Variants in KDM2B observed in about 807,000 individuals in gnomAD.
KDM2B encodes lysine-specific demethylase 2B.
Under a neutral mutation model 150.0 loss-of-function variants are expected in KDM2B, and 26 were observed. The observed-to-expected ratio is 0.17, with a 90% confidence interval of 0.13 to 0.24. The LOEUF (loss-of-function observed/expected upper bound fraction) is 0.24, where lower values mean the gene tolerates loss of function less well. Among genes scored for constraint, KDM2B ranks in the 10% least tolerant of loss-of-function variants. The pLI, the probability that KDM2B is intolerant of heterozygous loss-of-function variation, is 1.00. For synonymous variants in KDM2B, 734 were observed against 729.5 expected, an observed-to-expected ratio of 1.01 and a Z score of -0.10; for missense variants, 1,265 against 1,816.9, an observed-to-expected ratio of 0.70 and a Z score of 5.52.
At chr12:121,527,972 G>A (rs1339369440) in intron 8 of KDM2B, among the ~76,000 whole-genome samples, 1 of 152,186 alleles carries the variant, frequency 6.6e-6, no homozygotes, top group African/African-American at 2.4e-5. Flanking sequence ...GGTACTTAAA[G>A]TTTCCAACCT....
At chr12:121,486,975 C>T in intron 12 of KDM2B, among the ~76,000 whole-genome samples, 1 of 151,650 alleles carries the variant, frequency 6.6e-6, no homozygotes, top group South Asian at 2.1e-4. Flanking sequence ...CCCCCCGATA[C>T]AAAAAATAAA....
chr12:121,511,757 T>C (rs1375251132), intron 10 of KDM2B, among the ~76,000 whole-genome samples: 1 of 152,230 alleles, frequency 6.6e-6, no homozygotes, highest in African/African-American at 2.4e-5. Context: ...TATATCCTAA[T>C]AGGGCTGCTT....
At chr12:121,415,667 A>G in the KDM2B span, among the ~76,000 whole-genome samples, 1 of 151,988 alleles carries the variant, frequency 6.6e-6, no homozygotes, top group Non-Finnish European at 1.5e-5. Context: ...ATTTCTGTTA[A>G]ATAATAGCTG....
intron 12 of KDM2B, among the ~76,000 whole-genome samples, chr12:121,471,130 G>A (rs1040801161): frequency 1.3e-5 from 2 of 152,172 alleles, no homozygotes; most frequent in Non-Finnish European, 2.9e-5. Flanking sequence ...GCCAGCCCTT[G>A]CCCAACAGAA....
intron 1 of KDM2B, chr12:121,580,251 G>A: frequency 2.4e-6 from 3 of 1,230,180 alleles, no homozygotes; most frequent in Middle Eastern, 3.1e-4. Context: ...TTCAGCAGTT[G>A]TGGGGGGGGG....
rs1593743739 is a variant in KDM2B at position 121,442,043 on chromosome 12, G to A, written c.3284+114C>T. 3 of 862,410 alleles carry A rather than the reference G, an allele frequency of 3.5e-6. No individual in the cohort carries two copies. Among genetic ancestry groups the A allele is most frequent in the Non-Finnish European group, 5.6e-6 (3 of 538,404 alleles). The allele number at this position is 862,410 out of a possible 1,614,324, so 53.4% of individuals were successfully genotyped here. ...GCTGGAACGCTTTGCGGAGCACAAT[G>A]AAGCCATACTGGGGTTTGGAAGGAA... On this transcript the variant is annotated intron_variant, in intron 19 of 22. Coordinates refer to ENST00000377071, the MANE Select transcript of KDM2B (RefSeq NM_032590.5). This position sits in a 1 kb window ranked among gnomAD's most constrained non-coding sequence, Gnocchi z 7.7.
chr12:121,489,731 C>T (rs529476215), intron 12 of KDM2B, among the ~76,000 whole-genome samples: 56 of 152,254 alleles, frequency 3.7e-4, no homozygotes, highest in Middle Eastern at 3.4e-3. Flanking sequence ...TGAGCCACCA[C>T]GCCTGGCCCT....
intron 22 of KDM2B, 129 bp downstream of exon 22, chr12:121,439,728 G>T: frequency 1.4e-6 from 1 of 709,312 alleles, no homozygotes; most frequent in Non-Finnish European, 2.5e-6. Context: ...TGGGCTGTCT[G>T]TCTCAGTAAA....
At chr12:121,415,897 A>G in the KDM2B span, among the ~76,000 whole-genome samples, 1 of 117,510 alleles carries the variant, frequency 8.5e-6, no homozygotes, top group Admixed American at 1.1e-4. Flanking sequence ...TTGGGTGGGT[A>G]GGGAGGTTTT....
chr12:121,420,413 G>T, the KDM2B span: 1 of 1,552,890 alleles, frequency 6.4e-7, no homozygotes. Flanking sequence ...ACATTCGCTA[G>T]ATTAGTACAG....
the KDM2B span, chr12:121,423,241 T>G: frequency 1.7e-6 from 1 of 580,694 alleles, no homozygotes; most frequent in Non-Finnish European, 3.0e-6. The surrounding 1 kb of genome is among the most constrained non-coding windows in gnomAD (Gnocchi z 4.3). Flanking sequence ...TGCAGAGAAG[T>G]TGGGATTATT....
At chr12:121,527,360 G>GT (rs1371418739) in intron 8 of KDM2B, among the ~76,000 whole-genome samples, 138,871 of 138,906 alleles carry the variant, frequency 1, 69,418 homozygotes, top group Middle Eastern at 1. Context: ...AAAAAAAATT[G>GT]TTTAAAAAAA....
chr12:121,571,435 T>A (rs1891079776), intron 4 of KDM2B, among the ~76,000 whole-genome samples: 2 of 142,588 alleles, frequency 1.4e-5, no homozygotes, highest in Non-Finnish European at 3.1e-5. Flanking sequence ...ATTACAGGAA[T>A]GTGCCACCAC....
At chr12:121,489,568 T>C (rs1883139624) in intron 12 of KDM2B, among the ~76,000 whole-genome samples, 1 of 152,070 alleles carries the variant, frequency 6.6e-6, no homozygotes, top group African/African-American at 2.4e-5. Context: ...GCCTCCCAAG[T>C]ATCTGGGACT....
chr12:121,459,276 T>C (rs1390831895), intron 12 of KDM2B, among the ~76,000 whole-genome samples: 1 of 152,110 alleles, frequency 6.6e-6, no homozygotes, highest in African/African-American at 2.4e-5. Flanking sequence ...TTCAGTTGGG[T>C]AAAGAATGGT....
intron 8 of KDM2B, among the ~76,000 whole-genome samples, chr12:121,528,851 C>T (rs1555307350): frequency 6.6e-6 from 1 of 152,158 alleles, no homozygotes; most frequent in African/African-American, 2.4e-5. Context: ...TGAGATCGTG[C>T]CACTGCACTC....
chr12:121,522,202 T>C (rs1345730293), intron 8 of KDM2B, among the ~76,000 whole-genome samples: 2 of 151,896 alleles, frequency 1.3e-5, no homozygotes, highest in South Asian at 2.1e-4. Context: ...TTAATTCTCA[T>C]GAAATCCCGA....
At chr12:121,464,616 C>T (rs1555294439) in intron 12 of KDM2B, among the ~76,000 whole-genome samples, 3 of 152,226 alleles carry the variant, frequency 2.0e-5, no homozygotes, top group African/African-American at 7.2e-5. Flanking sequence ...GTGAGGGCTA[C>T]ACCAACTACA....
At chr12:121,525,601 G>A (rs1336947826) in intron 8 of KDM2B, among the ~76,000 whole-genome samples, 2 of 152,098 alleles carry the variant, frequency 1.3e-5, no homozygotes. Context: ...TAGAAAAATA[G>A]GAAGGTCTGG....
Sources: gnomAD v4.1 joint callset for allele counts (sites outside exome capture counted in the v4.1 genomes callset) on GRCh38, gnomAD v4.1.1 for gene constraint, Gnocchi (gnomAD v3.1) non-coding constraint, MANE v1.5 for transcripts, NCBI Gene and HGNC (gene_info 2026-07-23, HGNC 2026-07-21) for gene names.